ENTPD1: variants seen among roughly 807,000 people sequenced by gnomAD.
The protein encoded by ENTPD1 is ectonucleoside triphosphate diphosphohydrolase 1, also known as ATP diphosphohydrolase.
In ENTPD1, 33 loss-of-function variants were observed where a neutral mutation model predicts 57.0. The ratio of observed to expected loss-of-function variants is 0.58; its 90% CI spans 0.44 to 0.77. The LOEUF is 0.77. ENTPD1 is among the 30% of genes least tolerant of loss of function. ENTPD1 has a pLI of 0.00. For synonymous variants in ENTPD1, 202 were observed against 218.8 expected (o/e 0.92, Z 0.68); for missense variants, 501 against 603.4 (o/e 0.83, Z 1.78).
chr10:95,711,849 C>A, exon 1 of ENTPD1: 1 of 1,519,780 alleles, frequency 6.6e-7, no homozygotes, highest in Non-Finnish European at 9.1e-7. Context: ...TTTTTGTCAG[C>A]GATTGTCAGT....
intron 8 of ENTPD1, among the ~76,000 whole-genome samples, chr10:95,862,294 C>T (rs959866872): frequency 8.5e-5 from 13 of 152,328 alleles, no homozygotes; most frequent in Middle Eastern, 3.4e-3. Flanking sequence ...CAAGCTGCAT[C>T]GTCCACCCAG....
the ENTPD1 span, among the ~76,000 whole-genome samples, chr10:95,699,837 A>G: frequency 6.6e-6 from 1 of 152,212 alleles, no homozygotes; most frequent in Non-Finnish European, 1.5e-5. Context: ...TTGGAAGGAT[A>G]TTGACTGAAG....
At chr10:95,765,427 C>T (rs2098084914) in intron 1 of ENTPD1, among the ~76,000 whole-genome samples, 1 of 152,104 alleles carries the variant, frequency 6.6e-6, no homozygotes, top group African/African-American at 2.4e-5. Flanking sequence ...TGTTCCAGCA[C>T]CATTTGTTGA....
chr10:95,696,399 GCCTC>G, the ENTPD1 span, among the ~76,000 whole-genome samples: 2 of 152,102 alleles, frequency 1.3e-5, no homozygotes, highest in African/African-American at 4.8e-5. Flanking sequence ...TCCTGCCTCA[GCCTC>G]CCTAGTAGCT....
chr10:95,796,492 A>C (rs2098226568), intron 1 of ENTPD1, among the ~76,000 whole-genome samples: 1 of 152,186 alleles, frequency 6.6e-6, no homozygotes. Context: ...GGAACATTTT[A>C]CTATAAGGCA....
At chr10:95,780,341 A>G (rs2098152065) in intron 1 of ENTPD1, among the ~76,000 whole-genome samples, 1 of 152,164 alleles carries the variant, frequency 6.6e-6, no homozygotes, top group Non-Finnish European at 1.5e-5. Flanking sequence ...TCTTATGTAT[A>G]TTTGTATAGA....
intron 2 of ENTPD1, among the ~76,000 whole-genome samples, chr10:95,823,738 T>C (rs2098362767): frequency 6.6e-6 from 1 of 152,214 alleles, no homozygotes; most frequent in South Asian, 2.1e-4. Flanking sequence ...CTGCACTCTG[T>C]TCTTTTTACT....
chr10:95,808,324 A>C (rs904467542), intron 1 of ENTPD1, among the ~76,000 whole-genome samples: 2 of 152,144 alleles, frequency 1.3e-5, no homozygotes, highest in Non-Finnish European at 2.9e-5. Context: ...GTTTGCCAGT[A>C]TTTTGTTGAG....
intron 2 of ENTPD1, among the ~76,000 whole-genome samples, chr10:95,831,832 G>A (rs2098397516): frequency 6.6e-6 from 1 of 152,232 alleles, no homozygotes; most frequent in Non-Finnish European, 1.5e-5. Context: ...AAGGTTATAA[G>A]CACATTGAGG....
the ENTPD1 span, among the ~76,000 whole-genome samples, chr10:95,698,417 C>G: frequency 3.3e-5 from 5 of 152,156 alleles, no homozygotes; most frequent in Non-Finnish European, 4.4e-5. Context: ...TCAGCCTGAC[C>G]ACATGAAGAG....
intron 2 of ENTPD1, among the ~76,000 whole-genome samples, chr10:95,837,231 AAT>A (rs2098412088): frequency 6.6e-6 from 1 of 152,184 alleles, no homozygotes; most frequent in African/African-American, 2.4e-5. Flanking sequence ...ATCCCAGATA[AAT>A]GCTGCTTGCT....
chr10:95,821,955 C>T (rs925704594), intron 1 of ENTPD1, among the ~76,000 whole-genome samples: 4 of 150,372 alleles, frequency 2.7e-5, no homozygotes, highest in African/African-American at 7.4e-5. Context: ...TGTTCACTTC[C>T]TCTATGCAAT....
intron 4 of ENTPD1, 97 bp from the exon 5 acceptor site, chr10:95,844,379 A>C: frequency 1.3e-6 from 2 of 1,536,892 alleles, no homozygotes; most frequent in South Asian, 1.1e-5. Flanking sequence ...ATTATGGTTC[A>C]CTTCTTAGTA....
At chr10:95,852,699 A>C (rs1004589689) in intron 7 of ENTPD1, among the ~76,000 whole-genome samples, 4 of 152,128 alleles carry the variant, frequency 2.6e-5, no homozygotes, top group Admixed American at 2.6e-4. Context: ...TCCTTTCCCC[A>C]TTGTTTGTTT....
chr10:95,695,287 A>G, the ENTPD1 span, among the ~76,000 whole-genome samples: 1 of 152,310 alleles, frequency 6.6e-6, no homozygotes, highest in Admixed American at 6.5e-5. Context: ...GGGACTGTAG[A>G]TGATCAAAAT....
chr10:95,702,682 T>C, the ENTPD1 span, among the ~76,000 whole-genome samples: 1 of 152,066 alleles, frequency 6.6e-6, no homozygotes, highest in African/African-American at 2.4e-5. Context: ...TAAAAGAAAA[T>C]AATACATGGG....
intron 1 of ENTPD1, among the ~76,000 whole-genome samples, chr10:95,778,597 C>G (rs1464350370): frequency 6.6e-6 from 1 of 152,070 alleles, no homozygotes; most frequent in Non-Finnish European, 1.5e-5. Context: ...AGGATATGTC[C>G]TCAACCTTAT....
chr10:95,801,510 G>A (rs1241267571), intron 1 of ENTPD1, among the ~76,000 whole-genome samples: 2 of 151,964 alleles, frequency 1.3e-5, no homozygotes, highest in Admixed American at 1.3e-4. Flanking sequence ...GGTGGTTGTA[G>A]ATGTGTGGCC....
chr10:95,841,418 T>C (rs1480545378), intron 3 of ENTPD1, among the ~76,000 whole-genome samples: 1 of 152,102 alleles, frequency 6.6e-6, no homozygotes, highest in East Asian at 1.9e-4. Flanking sequence ...GTCCTTCTTC[T>C]GAGACTTATC....
Sources: gnomAD v4.1 joint callset for allele counts (sites outside exome capture counted in the v4.1 genomes callset) on GRCh38, gnomAD v4.1.1 for gene constraint, MANE v1.5 for transcripts, NCBI Gene and HGNC (gene_info 2026-07-23, HGNC 2026-07-21) for gene names.